SLC25A25: variants seen among roughly 807,000 people sequenced by gnomAD.
SLC25A25 encodes the protein mitochondrial adenyl nucleotide antiporter SLC25A25.
Under a neutral mutation model 57.7 loss-of-function variants are expected in SLC25A25, and 32 were observed. The observed-to-expected ratio is 0.55, with a 90% CI of 0.42 to 0.74. The LOEUF is 0.74. Among genes scored for constraint, SLC25A25 ranks in the 30% least tolerant of loss-of-function variants. The pLI is 0.00. For synonymous variants in SLC25A25, 306 were observed against 291.2 expected (o/e 1.05, Z -0.52); for missense variants, 556 against 701.3 (o/e 0.79, Z 2.34).
chr9:128,100,929 A>T, intron 1 of SLC25A25, 167 bp from the exon 2 acceptor site: 1 of 883,910 alleles, frequency 1.1e-6, no homozygotes, highest in South Asian at 1.8e-5. Flanking sequence ...TCTGGCATGT[A>T]AGTCGATTGC....
At chr9:128,097,617 C>T (rs1833599118) in intron 1 of SLC25A25, among the ~76,000 whole-genome samples, 1 of 152,184 alleles carries the variant, frequency 6.6e-6, no homozygotes, top group South Asian at 2.1e-4. Flanking sequence ...TAAAAAGCTT[C>T]TGTATTGAAC....
chr9:128,102,559 G>C lies in SLC25A25; in HGVS notation c.624+78G>C. ...GAGTCACCCAGTCGTCCCCATCCCA[G>C]AGTGCAGCTGGGGCTTTCCAGCCAC... is the stretch of plus-strand genomic sequence containing the variant. On this transcript the variant is annotated intron_variant, in intron 5 of 10. Coordinates refer to ENST00000373069, the MANE Select transcript of SLC25A25 (RefSeq NM_001330988.2). The surrounding 1 kb of genome is among the most constrained non-coding windows in gnomAD (Gnocchi z 4.1). The C allele has an allele frequency of 8.4e-7, 1 of 1,194,962 alleles. No individual in the cohort carries two copies. The highest frequency in any genetic ancestry group is 1.2e-6 in the Non-Finnish European group (1 of 835,992). The allele number at this position is 1,194,962 out of a possible 1,614,324, so 74.0% of individuals were successfully genotyped here. A position where few individuals can be genotyped will look rare whatever the true frequency, so the allele number is the denominator to read the frequency against.
At chr9:128,092,961 T>C (rs7043084) in intron 1 of SLC25A25, among the ~76,000 whole-genome samples, 139,874 of 152,248 alleles carry the variant, frequency 0.92, 65,395 homozygotes, top group Non-Finnish European at 1. Flanking sequence ...TCCTCCCTGC[T>C]GTAGGAGTGA....
chr9:128,100,395 C>A (rs1372734702), intron 1 of SLC25A25, among the ~76,000 whole-genome samples: 1 of 152,042 alleles, frequency 6.6e-6, no homozygotes. Flanking sequence ...TCTCTCAAAG[C>A]CTTCTTGGGA....
rs1222697568 is a variant in SLC25A25, at chr9:128,106,446, G to T, written c.1138G>T (p.Ala380Ser). Residue 380 changes from alanine (A) to serine (S), a missense_variant, in exon 9 of 11, where the codon GCC (alanine) becomes TCC (serine). Around this residue, in one of 3 missense-constraint regions of SLC25A25, gnomAD observed 294 missense variants for 389.6 expected, o/e 0.75. Transcript: ENST00000373069. ...GATCCTGGCCAGAGAGGGGGTGGCC[G>T]CCTTCTACAAAGGCTATGTCCCCAA... The part of the protein sequence containing the change: ...RRILAREGVA[A>S]FYKGYVPNML... The T allele has an allele frequency of 4.3e-6, 7 of 1,613,242 alleles. No homozygotes were observed. Among genetic ancestry groups the T allele is most frequent in the Non-Finnish European group, 5.1e-6 (6 of 1,179,924 alleles).
intron 1 of SLC25A25, among the ~76,000 whole-genome samples, chr9:128,092,540 C>T (rs777687916): frequency 5.3e-5 from 8 of 152,068 alleles, no homozygotes; most frequent in Non-Finnish European, 8.8e-5. Context: ...TGCCTGGGTC[C>T]GACCCATCTC....
At position 128,101,497 on chromosome 9, in the gene SLC25A25, G is replaced by C; in HGVS notation, c.476+101G>C. 2 of 1,367,106 alleles carry C rather than the reference G, an allele frequency of 1.5e-6. No homozygotes were observed. The highest frequency in any genetic ancestry group is 2.1e-5 in the Admixed American group (1 of 47,846). 84.7% of individuals were successfully genotyped at this position (1,367,106 alleles called of 1,614,324 possible). On this transcript the variant is annotated intron_variant, in intron 3 of 10. Coordinates refer to ENST00000373069, the MANE Select transcript of SLC25A25 (RefSeq NM_001330988.2). The surrounding 1 kb of genome is among the most constrained non-coding windows in gnomAD (Gnocchi z 4.9). The stretch of plus-strand genomic sequence containing the variant: ...ATTCCCTGGGCTGACCCTGAACTTG[G>C]CCTTCTCGTGGTTTGAAAGGATGAA...
intron 1 of SLC25A25, among the ~76,000 whole-genome samples, chr9:128,076,464 TTTTATTTTTA>T (rs1422127122): frequency 0.039 from 3,940 of 100,436 alleles, 206 homozygotes; most frequent in African/African-American, 0.16. Flanking sequence ...TTATTTTTAT[TTTTATTTTTA>T]TTTTTTTTTG....
intron 1 of SLC25A25, among the ~76,000 whole-genome samples, chr9:128,097,019 GTGTAAGTA>G (rs1462332523): frequency 2.6e-5 from 4 of 152,240 alleles, no homozygotes; most frequent in African/African-American, 9.6e-5. Flanking sequence ...ATAATGTTGT[GTGTAAGTA>G]TCAACATCTT....
Position 128,095,807 on chromosome 9 carries a change from C to T in SLC25A25, c.262-5289C>T, listed in dbSNP as rs1225903168. Among the ~76,000 whole-genome samples, 1 of 151,994 alleles carries T rather than the reference C, an allele frequency of 6.6e-6. No homozygotes were observed. ...CCTGGGCGACAGAGCAAGACTCCAT[C>T]TTAGGAAAGACAAAGAAAAAAGAAG... On this transcript the variant is annotated intron_variant, in intron 1 of 10. Transcript: ENST00000373069. This position sits in a 1 kb window ranked among gnomAD's most constrained non-coding sequence, Gnocchi z 4.4.
chr9:128,098,101 G>A (rs1420781374), intron 1 of SLC25A25, among the ~76,000 whole-genome samples: 1 of 152,196 alleles, frequency 6.6e-6, no homozygotes. Context: ...CTGATTTTTT[G>A]GTTGGGAATG....
chr9:128,107,809 G>A lies in SLC25A25; in HGVS notation c.*365G>A, dbSNP rs188541776. ...ACCCTTGCAGCCAGCTGTTGGCCAC[G>A]GCCCCTGCCCTCTGGTCTGCCGTGC... On this transcript the variant is annotated 3_prime_UTR_variant, in exon 11 of 11. Coordinates refer to ENST00000373069, the MANE Select transcript of SLC25A25 (RefSeq NM_001330988.2). 3.2e-5 allele frequency: 13 copies of A among 406,676 alleles called. No homozygotes were observed. The South Asian group carries it at 1.2e-3, about 38-fold the overall frequency. 25.2% of individuals were successfully genotyped at this position (406,676 alleles called of 1,614,324 possible).
At chr9:128,091,865 A>C (rs1316887153) in intron 1 of SLC25A25, 2 of 1,605,474 alleles carry the variant, frequency 1.2e-6, no homozygotes, top group African/African-American at 1.3e-5. Context: ...TTTGGAGGAG[A>C]CCGTGATGTT....
rs142563124 is a variant in SLC25A25 at position 128,099,514 on chromosome 9, C to T, written c.262-1582C>T. The T allele has an allele frequency of 3.6e-5, 22 of 619,166 alleles. No individual in the cohort carries two copies. The East Asian group carries it at 1.5e-3, about 43-fold the overall frequency. The allele number at this position is 619,166 out of a possible 1,614,324, so 38.4% of individuals were successfully genotyped here. ...TGATGTTCGCCTCCTGCCTAAATGG[C>T]TTGTCCACTCTATTTCCATTCCTGT... On this transcript the variant is annotated intron_variant, in intron 1 of 10. Coordinates refer to ENST00000373069, the MANE Select transcript of SLC25A25 (RefSeq NM_001330988.2). The surrounding 1 kb of genome is among the most constrained non-coding windows in gnomAD (Gnocchi z 6.8).
chr9:128,102,544 G>C lies in SLC25A25; in HGVS notation c.624+63G>C. ...GGGACCCTTAGCCCAGAGTCACCCAGTCGTCCCCATCCCAGAGTGCAGCTG... is the reference window on the plus strand; with the variant it reads ...GGGACCCTTAGCCCAGAGTCACCCACTCGTCCCCATCCCAGAGTGCAGCTG... On this transcript the variant is annotated intron_variant, in intron 5 of 10. Transcript: ENST00000373069. This position sits in a 1 kb window ranked among gnomAD's most constrained non-coding sequence, Gnocchi z 4.1. 3 of 1,368,070 alleles carry C rather than the reference G, an allele frequency of 2.2e-6. No individual in the cohort carries two copies. 84.7% of individuals were successfully genotyped at this position (1,368,070 alleles called of 1,614,324 possible). A position where few individuals can be genotyped will look rare whatever the true frequency, so the allele number is the denominator to read the frequency against.
intron 1 of SLC25A25, among the ~76,000 whole-genome samples, chr9:128,077,244 G>A (rs543663767): frequency 6.6e-6 from 1 of 152,234 alleles, no homozygotes; most frequent in South Asian, 2.1e-4. Flanking sequence ...GAAGCCAGTC[G>A]CGGCCGGGCG....
At chr9:128,077,636 G>A (rs1257701281) in intron 1 of SLC25A25, among the ~76,000 whole-genome samples, 2 of 152,038 alleles carry the variant, frequency 1.3e-5, no homozygotes, top group African/African-American at 4.8e-5. Context: ...CTGGGAGTGG[G>A]GTACTGGCGG....
intron 1 of SLC25A25, among the ~76,000 whole-genome samples, chr9:128,075,925 C>T (rs745442105): frequency 1.2e-4 from 18 of 152,196 alleles, no homozygotes; most frequent in Non-Finnish European, 2.5e-4. Flanking sequence ...AAATATTTTG[C>T]TGGTATTCAT....
Position 128,101,140 on chromosome 9 carries a change from CTT to C in SLC25A25, c.308_309del (p.Phe103Ter), listed in dbSNP as rs1419796098. On this transcript the variant is annotated frameshift_variant, in exon 2 of 11. Transcript: ENST00000373069. LOFTEE classifies it high-confidence loss of function. This position sits in a 1 kb window ranked among gnomAD's most constrained non-coding sequence, Gnocchi z 4.9. The stretch of plus-strand genomic sequence containing the variant: ...ATAAGGACCTTGATGGGCAGCTAGA[CTT>C]TGAAGAATTTGTCCATTATCTCCAA... ...GDKDLDGQLD[F>X]EEFVHYLQDH... is the part of the protein sequence containing the mutation. 1 of 1,614,118 alleles carries C rather than the reference CTT, an allele frequency of 6.2e-7. No homozygotes were observed. The highest frequency in any genetic ancestry group is 8.5e-7 in the Non-Finnish European group (1 of 1,180,040).
Sources: gnomAD v4.1 joint callset for allele counts (sites outside exome capture counted in the v4.1 genomes callset) on GRCh38, gnomAD v4.1.1 for gene constraint, gnomAD v4.1.1 regional missense constraint, Gnocchi (gnomAD v3.1) non-coding constraint, MANE v1.5 for transcripts, NCBI Gene and HGNC (gene_info 2026-07-23, HGNC 2026-07-21) for gene names.